Variants in SGCZ observed in about 807,000 individuals in gnomAD.
SGCZ encodes the protein sarcoglycan zeta.
SGCZ carries 40 observed loss-of-function variants against 41.3 expected under a neutral mutation model. The ratio of observed to expected loss-of-function variants is 0.97; its 90% CI spans 0.75 to 1.26. SGCZ has a LOEUF of 1.26. SGCZ is among the 50% of genes most tolerant of loss of function. The probability of loss-of-function intolerance (pLI) is 0.00; values close to 1 mark genes in which losing one functional copy is unlikely to be tolerated. For synonymous variants in SGCZ, 206 were observed against 137.5 expected (o/e 1.50, Z -3.49); for missense variants, 552 against 369.8 (o/e 1.49, Z -4.04).
intron 1 of SGCZ, among the ~76,000 whole-genome samples, chr8:14,959,441 T>C (rs1800894638): frequency 6.6e-6 from 1 of 152,158 alleles, no homozygotes; most frequent in African/African-American, 2.4e-5. Context: ...TCCAAATTAA[T>C]GGGTAAATAC....
chr8:14,396,747 G>A (rs75919806), intron 2 of SGCZ, among the ~76,000 whole-genome samples: 5,822 of 151,948 alleles, frequency 0.038, 348 homozygotes, highest in African/African-American at 0.13. Flanking sequence ...GAGCTCAGAT[G>A]AATAGAGTTA....
At chr8:14,190,380 T>G (rs934881494) in intron 4 of SGCZ, among the ~76,000 whole-genome samples, 1 of 150,110 alleles carries the variant, frequency 6.7e-6, no homozygotes, top group African/African-American at 2.5e-5. Context: ...TGTGTGTGTG[T>G]GTATATATAT....
chr8:14,478,164 T>A (rs1325236601), intron 2 of SGCZ, among the ~76,000 whole-genome samples: 5 of 152,232 alleles, frequency 3.3e-5, no homozygotes, highest in Non-Finnish European at 7.3e-5. Flanking sequence ...CATAATCTTA[T>A]CATATAATCT....
intron 2 of SGCZ, among the ~76,000 whole-genome samples, chr8:14,408,101 T>A (rs1799261125): frequency 6.6e-6 from 1 of 152,150 alleles, no homozygotes; most frequent in South Asian, 2.1e-4. Flanking sequence ...TCTAACTACC[T>A]CTTTTACTTC....
chr8:14,984,663 G>A (rs577661550), intron 1 of SGCZ, among the ~76,000 whole-genome samples: 1 of 152,192 alleles, frequency 6.6e-6, no homozygotes, highest in Admixed American at 6.5e-5. Context: ...ATTCAGGCAT[G>A]ATTTTCTGGC....
intron 1 of SGCZ, among the ~76,000 whole-genome samples, chr8:14,732,468 T>C (rs1798893036): frequency 6.6e-6 from 1 of 152,166 alleles, no homozygotes; most frequent in East Asian, 1.9e-4. Flanking sequence ...GGGAAAATTA[T>C]TCAAAATGAC....
intron 1 of SGCZ, among the ~76,000 whole-genome samples, chr8:15,113,269 T>G (rs1807140539): frequency 6.6e-6 from 1 of 152,010 alleles, no homozygotes; most frequent in Admixed American, 6.6e-5. Flanking sequence ...TTCATAATTC[T>G]AAAGATAAAT....
intron 3 of SGCZ, among the ~76,000 whole-genome samples, chr8:14,295,675 G>A (rs960222071): frequency 2.0e-5 from 3 of 152,086 alleles, no homozygotes; most frequent in Non-Finnish European, 4.4e-5. Context: ...ATTAAAAAAT[G>A]AAAACTAATG....
intron 1 of SGCZ, among the ~76,000 whole-genome samples, chr8:15,165,725 G>T (rs1447641051): frequency 6.6e-6 from 1 of 152,340 alleles, no homozygotes; most frequent in Admixed American, 6.5e-5. Flanking sequence ...GTATGGAAAT[G>T]TAACCTTTTG....
chr8:15,094,666 T>G (rs934930519), intron 1 of SGCZ, among the ~76,000 whole-genome samples: 1 of 152,136 alleles, frequency 6.6e-6, no homozygotes, highest in Non-Finnish European at 1.5e-5. Flanking sequence ...CAGTTCTTTG[T>G]CCCCACCTTG....
chr8:14,267,613 G>A (rs930936622), intron 3 of SGCZ, among the ~76,000 whole-genome samples: 1 of 152,036 alleles, frequency 6.6e-6, no homozygotes, highest in Admixed American at 6.6e-5. Context: ...CGATATTTTT[G>A]TTGTCACTGT....
chr8:14,218,134 G>C (rs1019082428), intron 4 of SGCZ, among the ~76,000 whole-genome samples: 6 of 152,082 alleles, frequency 3.9e-5, no homozygotes, highest in Non-Finnish European at 7.4e-5. Flanking sequence ...GTATAATAAG[G>C]CAAAGCATTT....
intron 1 of SGCZ, among the ~76,000 whole-genome samples, chr8:14,781,177 C>T (rs925831828): frequency 6.6e-6 from 1 of 152,114 alleles, no homozygotes; most frequent in Non-Finnish European, 1.5e-5. Flanking sequence ...AGCAGTTCTA[C>T]CCCCAAAGAA....
chr8:14,953,284 G>C (rs142414058), intron 1 of SGCZ, among the ~76,000 whole-genome samples: 3,776 of 152,190 alleles, frequency 0.025, 85 homozygotes, highest in Admixed American at 0.052. Context: ...GCAGATGAGA[G>C]AGACAGTCCC....
chr8:14,716,345 T>A (rs1248453050), intron 1 of SGCZ, among the ~76,000 whole-genome samples: 1 of 152,000 alleles, frequency 6.6e-6, no homozygotes, highest in East Asian at 1.9e-4. Context: ...TCAAAATTTT[T>A]CCATGCGCAC....
chr8:14,158,555 C>G (rs1322458300), intron 5 of SGCZ, among the ~76,000 whole-genome samples: 1 of 152,098 alleles, frequency 6.6e-6, no homozygotes, highest in East Asian at 1.9e-4. Context: ...ATCCTTCAAT[C>G]CAATCAAGTT....
chr8:14,439,790 C>T (rs928034974), intron 2 of SGCZ, among the ~76,000 whole-genome samples: 2 of 151,898 alleles, frequency 1.3e-5, no homozygotes, highest in African/African-American at 4.8e-5. Flanking sequence ...TAAACAGTAT[C>T]TATAGGAAGC....
intron 1 of SGCZ, among the ~76,000 whole-genome samples, chr8:14,693,871 C>G (rs764382803): frequency 6.6e-6 from 1 of 152,030 alleles, no homozygotes; most frequent in Non-Finnish European, 1.5e-5. Flanking sequence ...GGATTATAGG[C>G]CTGAGCCACC....
intron 1 of SGCZ, among the ~76,000 whole-genome samples, chr8:15,220,749 A>T (rs576228988): frequency 6.6e-6 from 1 of 152,302 alleles, no homozygotes; most frequent in East Asian, 1.9e-4. Flanking sequence ...AATAGCAAAG[A>T]TTTGGAACCA....
Sources: gnomAD v4.1 joint callset for allele counts (sites outside exome capture counted in the v4.1 genomes callset) on GRCh38, gnomAD v4.1.1 for gene constraint, MANE v1.5 for transcripts, NCBI Gene and HGNC (gene_info 2026-07-23, HGNC 2026-07-21) for gene names.